Variants in ESRRB observed in about 807,000 individuals in gnomAD.
The protein encoded by ESRRB is steroid hormone receptor ERR2.
Under a neutral mutation model 46.0 loss-of-function variants are expected in ESRRB, and 16 were observed. That is an observed-to-expected ratio of 0.35 (90% CI 0.24 to 0.53). The LOEUF (loss-of-function observed/expected upper bound fraction) is 0.53. Among genes scored for constraint, ESRRB ranks in the 20% least tolerant of loss-of-function variants. The pLI, the probability that ESRRB is intolerant of heterozygous loss-of-function variation, is 0.93. For synonymous variants in ESRRB, 246 were observed against 259.6 expected (o/e 0.95, Z 0.50); for missense variants, 488 against 607.4 (o/e 0.80, Z 2.07).
intron 2 of ESRRB, among the ~76,000 whole-genome samples, chr14:76,448,954 G>T (rs934268543): frequency 2.6e-5 from 4 of 152,170 alleles, no homozygotes; most frequent in Admixed American, 2.6e-4. Context: ...CTTATCAAAT[G>T]AATCTTTGAT....
chr14:76,393,079 G>C (rs1266748005), intron 1 of ESRRB, among the ~76,000 whole-genome samples: 1 of 152,234 alleles, frequency 6.6e-6, no homozygotes. Context: ...AGCAGAGAAG[G>C]AGGCCTGCTT....
At chr14:76,310,929 A>G (rs1438469642) in intron 1 of ESRRB, 2 of 440,808 alleles carry the variant, frequency 4.5e-6, no homozygotes, top group Admixed American at 2.4e-5. Flanking sequence ...GAGTAACCCA[A>G]CTTCTCCCTT....
upstream of ESRRB, among the ~76,000 whole-genome samples, chr14:76,372,447 A>G (rs1369094870): frequency 6.6e-6 from 1 of 152,206 alleles, no homozygotes; most frequent in African/African-American, 2.4e-5. Context: ...TCCACCAGGT[A>G]AAGAGTGTGT....
Position 76,491,563 on chromosome 14 carries a change from G to C in ESRRB, c.967G>C (p.Ala323Pro). 4.4e-6 allele frequency: 7 copies of C among 1,592,512 alleles called. No homozygotes were observed. The highest frequency in any genetic ancestry group is 5.1e-6 in the Non-Finnish European group (6 of 1,169,984). ...SLPYDDKLVYAEDYIMDEEHS... is the reference protein window; with the variant it reads ...SLPYDDKLVYPEDYIMDEEHS... ...GCCCTATGACGACAAGCTGGTGTAC[G>C]CTGAGGACTACATCATGGATGAGGA... Residue 323 changes from alanine to proline, a missense_variant, in exon 6 of 7, where the codon GCT (alanine) becomes CCT (proline). Coordinates refer to ENST00000644823, the MANE Select transcript of ESRRB (RefSeq NM_001379180.1).
chr14:76,405,171 G>T (rs1043975004), intron 1 of ESRRB, among the ~76,000 whole-genome samples: 1 of 152,100 alleles, frequency 6.6e-6, no homozygotes, highest in Admixed American at 6.6e-5. Context: ...CGTGATCAGA[G>T]CTCACTGCAG....
At chr14:76,310,821 G>A in exon 1 of ESRRB, 1 of 454,872 alleles carries the variant, frequency 2.2e-6, no homozygotes, top group Non-Finnish European at 4.4e-6. Context: ...TGGTACCGGA[G>A]GAGCGGAGCA....
chr14:76,318,261 A>G (rs1883825639), intron 1 of ESRRB, among the ~76,000 whole-genome samples: 1 of 152,156 alleles, frequency 6.6e-6, no homozygotes, highest in Non-Finnish European at 1.5e-5. Flanking sequence ...GGAAGCGAGG[A>G]GCACAGTTGA....
intron 1 of ESRRB, among the ~76,000 whole-genome samples, chr14:76,315,178 C>T (rs1001164038): frequency 3.9e-5 from 6 of 152,082 alleles, no homozygotes; most frequent in African/African-American, 7.2e-5. Context: ...ATCTATAACA[C>T]GTCTAGATCA....
intron 1 of ESRRB, among the ~76,000 whole-genome samples, chr14:76,403,387 G>A (rs1372101319): frequency 2.0e-5 from 3 of 152,142 alleles, no homozygotes; most frequent in African/African-American, 7.2e-5. Flanking sequence ...GCCTCACCAG[G>A]CATGTGGTTT....
chr14:76,500,046 A>G lies in ESRRB; in HGVS notation c.*1588A>G. 1 of 1,553,100 alleles carries G rather than the reference A, an allele frequency of 6.4e-7. No individual in the cohort carries two copies. The highest frequency in any genetic ancestry group is 8.7e-7 in the Non-Finnish European group (1 of 1,147,452). ...GAGAGGCAGGCAGATCTCACCCAGCACTAGGACACCAGGAGGCCAGGTAAC... is the reference window on the plus strand; with the variant it reads ...GAGAGGCAGGCAGATCTCACCCAGCGCTAGGACACCAGGAGGCCAGGTAAC... On this transcript the variant is annotated 3_prime_UTR_variant, in exon 7 of 7. Transcript: ENST00000644823.
chr14:76,491,153 G>T (rs1890208557), intron 5 of ESRRB, among the ~76,000 whole-genome samples: 1 of 152,216 alleles, frequency 6.6e-6, no homozygotes, highest in Admixed American at 6.5e-5. Context: ...AGCCTCTACA[G>T]ACGTTTGGAA....
intron 3 of ESRRB, among the ~76,000 whole-genome samples, chr14:76,480,624 C>T (rs1889769485): frequency 6.6e-6 from 1 of 152,180 alleles, no homozygotes; most frequent in Non-Finnish European, 1.5e-5. Context: ...TTCTGACTTC[C>T]CCTTGCCTGT....
intron 1 of ESRRB, among the ~76,000 whole-genome samples, chr14:76,332,884 T>TTATATATATATATATTA (rs1424589476): frequency 2.5e-4 from 5 of 20,226 alleles, no homozygotes; most frequent in Non-Finnish European, 3.7e-4. Context: ...TTTTTATATA[T>TTATATATATATATATTA]TATATATTTA....
chr14:76,500,482 G>T lies in ESRRB; in HGVS notation c.*2024G>T. On this transcript the variant is annotated 3_prime_UTR_variant, in exon 7 of 7. Coordinates refer to ENST00000644823, the MANE Select transcript of ESRRB (RefSeq NM_001379180.1). Reference sequence around the variant, plus strand: ...AGCTACAAACCAAGTCTAGCACAGTGTTTAGAGGCTCTGCCCTGAGGTTCT... The same window carrying T: ...AGCTACAAACCAAGTCTAGCACAGTTTTTAGAGGCTCTGCCCTGAGGTTCT... 2 of 618,766 alleles carry T rather than the reference G, an allele frequency of 3.2e-6. No homozygotes were observed. Among genetic ancestry groups the T allele is most frequent in the Non-Finnish European group, 5.8e-6 (2 of 345,698 alleles). 38.3% of individuals were successfully genotyped at this position (618,766 alleles called of 1,614,324 possible).
intron 1 of ESRRB, among the ~76,000 whole-genome samples, chr14:76,350,818 G>A (rs1333799151): frequency 6.6e-5 from 10 of 152,146 alleles, no homozygotes; most frequent in African/African-American, 2.4e-4. Context: ...CTAGCAGGAC[G>A]CAGCTTCTCC....
At chr14:76,419,041 G>A (rs925571828) in intron 1 of ESRRB, among the ~76,000 whole-genome samples, 1 of 150,940 alleles carries the variant, frequency 6.6e-6, no homozygotes, top group African/African-American at 2.4e-5. Flanking sequence ...TTGAGACGAG[G>A]TTTCACTCTG....
chr14:76,353,369 C>G (rs940822918), intron 1 of ESRRB, among the ~76,000 whole-genome samples: 1 of 152,168 alleles, frequency 6.6e-6, no homozygotes, highest in Non-Finnish European at 1.5e-5. Flanking sequence ...GCAAATCCGC[C>G]TGACTTAAGG....
At chr14:76,312,662 TC>T (rs1883753090) in intron 1 of ESRRB, among the ~76,000 whole-genome samples, 1 of 151,876 alleles carries the variant, frequency 6.6e-6, no homozygotes, top group Non-Finnish European at 1.5e-5. Flanking sequence ...TTATTATTCT[TC>T]CTATTATGAG....
At chr14:76,416,965 G>A (rs1886732431) in intron 1 of ESRRB, among the ~76,000 whole-genome samples, 1 of 152,052 alleles carries the variant, frequency 6.6e-6, no homozygotes, top group African/African-American at 2.4e-5. Context: ...AGTAAAGCAG[G>A]ATAAGATGTA....
Sources: allele counts gnomAD v4.1 joint callset (sites outside exome capture counted in the v4.1 genomes callset), GRCh38; gene constraint gnomAD v4.1.1; transcripts MANE v1.5; gene names NCBI Gene and HGNC (gene_info 2026-07-23, HGNC 2026-07-21).